DYNLT2: variants seen among roughly 807,000 people sequenced by gnomAD.
DYNLT2 encodes the protein dynein light chain Tctex-type 2.
Under a neutral mutation model 24.3 loss-of-function variants are expected in DYNLT2, and 24 were observed. The ratio of observed to expected loss-of-function variants is 0.99; its 90% CI spans 0.71 to 1.39. DYNLT2 has a LOEUF of 1.39. Ranked by LOEUF, DYNLT2 falls within the 40% of genes most tolerant of loss-of-function variation. The pLI is 0.00. For missense variants in DYNLT2, 246 were observed against 234.5 expected (o/e 1.05, Z -0.32); for synonymous variants, 85 against 85.4 (o/e 1.00, Z 0.03).
At chr6:169,741,945 G>A (rs543829721) in intron 3 of DYNLT2, among the ~76,000 whole-genome samples, 16 of 152,120 alleles carry the variant, frequency 1.1e-4, no homozygotes, top group African/African-American at 2.7e-4. Context: ...GCTGACTGGC[G>A]GTTCTCTCGC....
chr6:169,732,316 T>A, the DYNLT2 span, among the ~76,000 whole-genome samples: 1 of 152,342 alleles, frequency 6.6e-6, no homozygotes, highest in East Asian at 1.9e-4. Context: ...GATCAAAATA[T>A]CTTTTTATTT....
chr6:169,751,186 T>C (rs924560944), intron 1 of DYNLT2, 153 bp downstream of exon 1: 75 of 1,237,954 alleles, frequency 6.1e-5, no homozygotes, highest in Non-Finnish European at 7.8e-5. Flanking sequence ...GTCTCAGGCT[T>C]CAATTTCGCA....
chr6:169,744,516 C>G (rs1234723892), intron 1 of DYNLT2, among the ~76,000 whole-genome samples: 2 of 152,072 alleles, frequency 1.3e-5, no homozygotes, highest in Non-Finnish European at 2.9e-5. Context: ...CAAACATATA[C>G]ATACAAATTG....
chr6:169,744,240 G>T lies in DYNLT2; in HGVS notation c.155C>A (p.Ser52Ter). 1 of 1,613,588 alleles carries T rather than the reference G, an allele frequency of 6.2e-7. No homozygotes were observed. Residue 52 changes from serine to a stop codon, truncating the protein, a stop_gained, in exon 2 of 4, where the codon TCA (serine) becomes TAA (stop). Transcript: ENST00000366774. LOFTEE classifies it high-confidence loss of function. ...CTCCACATACTGAACATTGTGAATT[G>T]ACTCTCTCAGTCTTTCTCTTAAAAT... ...TQILRERLRESIHNVQYVEPP... is the reference protein window; with the variant it reads ...TQILRERLRE
chr6:169,751,143 A>G, intron 1 of DYNLT2, 196 bp downstream of exon 1: 1 of 736,302 alleles, frequency 1.4e-6, no homozygotes. Flanking sequence ...AGAAAACTTT[A>G]GCACTCAAGT....
Position 169,743,256 on chromosome 6 carries a change from A to G in DYNLT2, c.328-18T>C, listed in dbSNP as rs1789722094. ...AGACTTTCCTTTAAGAAAATTTAAGAAAAATACTTTTATTTTCAAACCAAA... is the reference window on the plus strand; with the variant it reads ...AGACTTTCCTTTAAGAAAATTTAAGGAAAATACTTTTATTTTCAAACCAAA... On this transcript the variant is annotated intron_variant, in intron 2 of 3. Transcript: ENST00000366774. 1.4e-6 allele frequency: 2 copies of G among 1,417,398 alleles called. No homozygotes were observed. The highest frequency in any genetic ancestry group is 1.9e-6 in the Non-Finnish European group (2 of 1,065,538). 87.8% of individuals were successfully genotyped at this position (1,417,398 alleles called of 1,614,324 possible).
At chr6:169,743,913 T>G (rs774622447) in intron 2 of DYNLT2, among the ~76,000 whole-genome samples, 155 bp downstream of exon 2, 8 of 152,218 alleles carry the variant, frequency 5.3e-5, no homozygotes, top group Admixed American at 2.0e-4. Context: ...TCTGATTAAC[T>G]AACTTGTTGT....
downstream of DYNLT2, chr6:169,740,040 T>C (rs992693332): frequency 3.4e-6 from 2 of 590,432 alleles, no homozygotes; most frequent in Non-Finnish European, 5.9e-6. Context: ...TGGCTTCTAC[T>C]TTGTTGTTAA....
the DYNLT2 span, among the ~76,000 whole-genome samples, chr6:169,726,987 T>C: frequency 6.6e-6 from 1 of 151,916 alleles, no homozygotes; most frequent in Middle Eastern, 3.4e-3. Context: ...GGAAGTAAGA[T>C]AGAGAAGGAA....
At chr6:169,732,439 C>T in the DYNLT2 span, among the ~76,000 whole-genome samples, 4 of 152,160 alleles carry the variant, frequency 2.6e-5, no homozygotes, top group Non-Finnish European at 5.9e-5. Flanking sequence ...TCCCTCCCCT[C>T]CACTCTCACC....
the DYNLT2 span, among the ~76,000 whole-genome samples, chr6:169,730,891 C>A: frequency 1.3e-5 from 2 of 152,170 alleles, no homozygotes; most frequent in Non-Finnish European, 2.9e-5. Flanking sequence ...TGTGAGTGAT[C>A]TTCACAGTGG....
chr6:169,732,053 A>G, the DYNLT2 span, among the ~76,000 whole-genome samples: 1 of 152,346 alleles, frequency 6.6e-6, no homozygotes, highest in African/African-American at 2.4e-5. Flanking sequence ...GGCAAATTGC[A>G]TGATATGACA....
At chr6:169,732,553 T>C in the DYNLT2 span, among the ~76,000 whole-genome samples, 2 of 152,130 alleles carry the variant, frequency 1.3e-5, no homozygotes, top group South Asian at 2.1e-4. Context: ...TTTTCTCCTG[T>C]GTTAGTTTGC....
intron 1 of DYNLT2, 157 bp downstream of exon 1, chr6:169,751,182 G>A (rs1790029684): frequency 1.7e-6 from 2 of 1,186,202 alleles, no homozygotes; most frequent in Non-Finnish European, 1.2e-6. Context: ...CTCAGTCTCA[G>A]GCTTCAATTT....
At chr6:169,746,650 G>C (rs1300465712) in intron 1 of DYNLT2, among the ~76,000 whole-genome samples, 1 of 152,014 alleles carries the variant, frequency 6.6e-6, no homozygotes, top group Non-Finnish European at 1.5e-5. Context: ...TGGTTCTGCT[G>C]CTCACTCTGT....
At chr6:169,727,009 C>T in the DYNLT2 span, among the ~76,000 whole-genome samples, 1 of 152,110 alleles carries the variant, frequency 6.6e-6, no homozygotes, top group Non-Finnish European at 1.5e-5. Context: ...AAAAAGAAAA[C>T]TAAGTGTAAA....
chr6:169,742,762 C>G (rs1003438696), intron 3 of DYNLT2, among the ~76,000 whole-genome samples: 5 of 152,048 alleles, frequency 3.3e-5, no homozygotes, highest in African/African-American at 1.2e-4. Context: ...CCATGCCCAG[C>G]TAATTTTTGT....
chr6:169,725,920 T>A, the DYNLT2 span: 1 of 152,262 alleles, frequency 6.6e-6, no homozygotes, highest in Non-Finnish European at 1.5e-5. Flanking sequence ...ATCCCCTTTG[T>A]TACTGATCTT....
At chr6:169,749,295 T>C (rs2128336801) in intron 1 of DYNLT2, among the ~76,000 whole-genome samples, 1 of 152,296 alleles carries the variant, frequency 6.6e-6, no homozygotes, top group African/African-American at 2.4e-5. Context: ...GAGACGGGGT[T>C]TTGGCATGTT....
Sources: gnomAD v4.1 joint callset for allele counts (sites outside exome capture counted in the v4.1 genomes callset) on GRCh38, gnomAD v4.1.1 for gene constraint, MANE v1.5 for transcripts, NCBI Gene and HGNC (gene_info 2026-07-23, HGNC 2026-07-21) for gene names.